Variants in PCNX2 observed in about 807,000 individuals in gnomAD.
The protein encoded by PCNX2 is pecanex-like protein 2.
A neutral mutation model predicts 223.8 loss-of-function variants in PCNX2; 168 were observed. That is an observed-to-expected ratio of 0.75 (90% CI 0.66 to 0.85). The LOEUF (loss-of-function observed/expected upper bound fraction) is 0.85, where lower values mean the gene tolerates loss of function less well. Ranked by LOEUF, PCNX2 falls within the 40% of genes least tolerant of loss-of-function variation. The pLI, the probability that PCNX2 is intolerant of heterozygous loss-of-function variation, is 0.00. For synonymous variants in PCNX2, 1,006 were observed against 1,052.6 expected (o/e 0.96, Z 0.86); for missense variants, 2,507 against 2,675.5 (o/e 0.94, Z 1.39).
intron 8 of PCNX2, among the ~76,000 whole-genome samples, chr1:233,243,164 G>A (rs1658878879): frequency 6.6e-6 from 1 of 152,194 alleles, no homozygotes; most frequent in Non-Finnish European, 1.5e-5. Flanking sequence ...AATCCCCAAA[G>A]AGACATGGAA....
In PCNX2 at chr1:233,270,215, T is replaced by C. The variant is rs372601156; in HGVS notation, c.154-7052A>G. ...CAAAAAAAAGCACATGACAGAGAAG[T>C]GCTATCATTTCTTTGCGTTTATATA... is the stretch of plus-strand genomic sequence containing the variant. On this transcript the variant is annotated intron_variant, in intron 1 of 33. Transcript: ENST00000258229. 7.9e-5 allele frequency among the ~76,000 whole-genome samples: 12 copies of C among 152,316 alleles called. No homozygotes were observed. In the East Asian group the frequency reaches 1.5e-3, roughly 20 times the overall value.
At chr1:233,028,839 C>CT (rs552422159) in intron 25 of PCNX2, among the ~76,000 whole-genome samples, 20,120 of 129,722 alleles carry the variant, frequency 0.16, 1,907 homozygotes, top group East Asian at 0.26. Flanking sequence ...CTTTCCAGTC[C>CT]TTTTTTTTTT....
intron 9 of PCNX2, among the ~76,000 whole-genome samples, chr1:233,235,561 T>A (rs1295370511): frequency 6.6e-6 from 1 of 152,204 alleles, no homozygotes; most frequent in Non-Finnish European, 1.5e-5. Context: ...TTTGCACAGC[T>A]GGGTAATGGT....
chr1:233,170,783 CTTCTATTTTTT>C (rs1203592082), intron 17 of PCNX2, among the ~76,000 whole-genome samples: 2 of 152,086 alleles, frequency 1.3e-5, no homozygotes, highest in African/African-American at 4.8e-5. Flanking sequence ...TTGTGAATCA[CTTCTATTTTTT>C]AGTTTTCCGT....
chr1:233,031,901 G>A (rs1474024764), intron 25 of PCNX2: 3 of 984,704 alleles, frequency 3.0e-6, no homozygotes, highest in Admixed American at 6.2e-5. Flanking sequence ...TAAACAGTGA[G>A]GCATCCAGAG....
At chr1:233,102,710 T>C (rs983567125) in intron 21 of PCNX2, among the ~76,000 whole-genome samples, 1 of 152,032 alleles carries the variant, frequency 6.6e-6, no homozygotes, top group Non-Finnish European at 1.5e-5. Context: ...TAAATTGTTA[T>C]TAATTTTTTT....
At chr1:232,985,399 A>G (rs1172532908) in intron 33 of PCNX2, 1 of 152,534 alleles carries the variant, frequency 6.6e-6, no homozygotes, top group African/African-American at 2.4e-5. Flanking sequence ...GGAAAACCTG[A>G]ACACTCAAAA....
intron 20 of PCNX2, among the ~76,000 whole-genome samples, chr1:233,137,387 C>G (rs1036781343): frequency 1.3e-5 from 2 of 152,176 alleles, no homozygotes; most frequent in Admixed American, 6.5e-5. Context: ...AGGACAGGCT[C>G]CAGCCACTGG....
In PCNX2 at chr1:233,268,631, C is replaced by T. The variant is rs577430338; in HGVS notation, c.154-5468G>A. On this transcript the variant is annotated intron_variant, in intron 1 of 33. Transcript: ENST00000258229. ...CTCCTCCTTTCTGGAAGTTACCTACCTAGCAACTTCAATGACCTGACTGAG... is the reference window on the plus strand; with the variant it reads ...CTCCTCCTTTCTGGAAGTTACCTACTTAGCAACTTCAATGACCTGACTGAG... Among the ~76,000 whole-genome samples the T allele has an allele frequency of 2.0e-4, 30 of 152,260 alleles. No homozygotes were observed. The South Asian group carries it at 6.2e-3, about 32-fold the overall frequency.
At chr1:233,149,045 C>T (rs915633847) in intron 19 of PCNX2, among the ~76,000 whole-genome samples, 1 of 152,144 alleles carries the variant, frequency 6.6e-6, no homozygotes, top group Non-Finnish European at 1.5e-5. Context: ...AGGGTTCACA[C>T]AAAGTAAAGT....
At chr1:233,141,686 AAT>A (rs1266920796) in intron 19 of PCNX2, among the ~76,000 whole-genome samples, 1 of 142,098 alleles carries the variant, frequency 7.0e-6, no homozygotes, top group African/African-American at 2.8e-5. Context: ...AAAAAGAAAA[AAT>A]ATATATATAT....
At chr1:233,053,324 C>A (rs1489017969) in intron 25 of PCNX2, among the ~76,000 whole-genome samples, 1 of 152,088 alleles carries the variant, frequency 6.6e-6, no homozygotes, top group East Asian at 1.9e-4. Context: ...AGTCCCTGCA[C>A]TGGGGACATT....
intron 23 of PCNX2, among the ~76,000 whole-genome samples, chr1:233,085,865 C>G (rs2102930753): frequency 6.6e-6 from 1 of 152,252 alleles, no homozygotes; most frequent in East Asian, 1.9e-4. Flanking sequence ...CCAGTCACCA[C>G]CTTTATAAGG....
rs1678390672 is a variant in PCNX2 at position 233,160,293 on chromosome 1, C to G, written c.3507G>C (p.Arg1169=). The G allele has an allele frequency of 6.2e-7, 1 of 1,612,982 alleles. No homozygotes were observed. The highest frequency in any genetic ancestry group is 1.3e-5 in the African/African-American group (1 of 74,754). ...GGATATATTACTAACCTCTCACTTC[C>G]CGTTGATGATACTCTTTGTTTTTGA... ...PILKNKEYHQ[R]EVRDVAHLMW... Residue 1169 remains arginine (R), a synonymous_variant, in exon 19 of 34, where the codon CGG becomes CGC. Transcript: ENST00000258229.
At chr1:233,058,024 C>T (rs754035760) in intron 23 of PCNX2, 2 of 985,280 alleles carry the variant, frequency 2.0e-6, no homozygotes, top group African/African-American at 3.5e-5. Context: ...TCTTATAGAC[C>T]TTTCTTAGGT....
chr1:233,094,848 C>T (rs1445755417), intron 22 of PCNX2, among the ~76,000 whole-genome samples: 1 of 152,150 alleles, frequency 6.6e-6, no homozygotes, highest in Non-Finnish European at 1.5e-5. Flanking sequence ...TGTGGAAAGA[C>T]AGATTCTAGG....
At chr1:233,217,977 A>G in intron 11 of PCNX2, 46 bp from the exon 12 acceptor site, 1 of 1,613,560 alleles carries the variant, frequency 6.2e-7, no homozygotes, top group Non-Finnish European at 8.5e-7. Context: ...TCATGATTTC[A>G]AGGCTACATT....
At chr1:233,215,026 C>T (rs58828432) in intron 12 of PCNX2, among the ~76,000 whole-genome samples, 33,112 of 152,076 alleles carry the variant, frequency 0.22, 4,307 homozygotes, top group African/African-American at 0.36. Context: ...AATTTATTAA[C>T]AGCTACCCTC....
At chr1:233,215,747 C>T (rs1441891022) in intron 12 of PCNX2, among the ~76,000 whole-genome samples, 1 of 152,128 alleles carries the variant, frequency 6.6e-6, no homozygotes, top group Non-Finnish European at 1.5e-5. Context: ...CTAGGGTGGG[C>T]TTGAACAAAA....
Sources: gnomAD v4.1 joint callset for allele counts (sites outside exome capture counted in the v4.1 genomes callset) on GRCh38, gnomAD v4.1.1 for gene constraint, MANE v1.5 for transcripts, NCBI Gene and HGNC (gene_info 2026-07-23, HGNC 2026-07-21) for gene names.